The following ITIH2 variants were observed in gnomAD, a reference collection of about 807,000 sequenced individuals.
ITIH2 encodes inter-alpha-trypsin inhibitor heavy chain 2.
Under a neutral mutation model 104.4 loss-of-function variants are expected in ITIH2, and 103 were observed. The ratio of observed to expected loss-of-function variants is 0.99; its 90% CI spans 0.84 to 1.16. The LOEUF is 1.16. ITIH2 is among the 50% of genes most tolerant of loss of function. The pLI, the probability that ITIH2 is intolerant of heterozygous loss-of-function variation, is 0.00. For synonymous variants in ITIH2, 436 were observed against 435.4 expected (o/e 1.00, Z -0.02); for missense variants, 1,108 against 1,162.4 (o/e 0.95, Z 0.68).
chr10:7,726,739 G>T (rs1261166047), intron 9 of ITIH2, among the ~76,000 whole-genome samples: 6 of 152,186 alleles, frequency 3.9e-5, no homozygotes, highest in Non-Finnish European at 2.9e-5. Context: ...TAGCAAAATA[G>T]ATAGTAAAAT....
chr10:7,712,190 C>A (rs1440735268), intron 4 of ITIH2, among the ~76,000 whole-genome samples: 1 of 152,140 alleles, frequency 6.6e-6, no homozygotes, highest in Non-Finnish European at 1.5e-5. Flanking sequence ...ATTTAAAATT[C>A]ATAGTTCTGA....
At chr10:7,727,174 T>C in intron 10 of ITIH2, 56 bp downstream of exon 10, 1 of 1,444,578 alleles carries the variant, frequency 6.9e-7, no homozygotes. Flanking sequence ...CAAATCATGA[T>C]TCACTTAAGA....
chr10:7,732,422 G>C lies in ITIH2; in HGVS notation c.1732G>C (p.Asp578His), dbSNP rs149478423. The C allele has an allele frequency of 1.5e-5, 24 of 1,613,938 alleles. No individual in the cohort carries two copies. In the African/African-American group the frequency reaches 2.9e-4, roughly 20 times the overall value. The change falls in exon 14 of 21, where the codon GAT becomes CAT. Residue 578 changes from aspartate to histidine, a missense_variant. Coordinates refer to ENST00000358415, the MANE Select transcript of ITIH2 (RefSeq NM_002216.3). ...FLSKDKHADP[D>H]FTRKLWAYLT... ...ATCGAAAGACAAGCATGCAGATCCC[G>C]ATTTCACCAGGAAACTGTGGGCCTA...
chr10:7,744,565 ACT>A (rs1835157551), intron 18 of ITIH2, among the ~76,000 whole-genome samples: 1 of 151,970 alleles, frequency 6.6e-6, no homozygotes, highest in Admixed American at 6.5e-5. Flanking sequence ...ATCCATACTG[ACT>A]CTATCGCAGA....
intron 19 of ITIH2, among the ~76,000 whole-genome samples, chr10:7,745,626 G>A (rs1248199687): frequency 1.3e-5 from 2 of 151,966 alleles, no homozygotes; most frequent in Non-Finnish European, 2.9e-5. Context: ...GAGCCTGCCT[G>A]GAGTCCCAGC....
rs577208966 is a variant in ITIH2, at chr10:7,738,378, T to C, written c.1958-243T>C. ...GAGTCACGGGGCCCTTCCCCGGCCC[T>C]ATAAAGCGGTTCCTCCCACTGCCAC... On this transcript the variant is annotated intron_variant, in intron 15 of 20. Coordinates refer to ENST00000358415, the MANE Select transcript of ITIH2 (RefSeq NM_002216.3). 1.2e-4 allele frequency among the ~76,000 whole-genome samples: 17 copies of C among 147,376 alleles called. No individual in the cohort carries two copies. The South Asian group carries it at 1.7e-3, about 14-fold the overall frequency.
At chr10:7,712,602 G>A (rs59920895) in intron 4 of ITIH2, among the ~76,000 whole-genome samples, 14,010 of 152,170 alleles carry the variant, frequency 0.092, 884 homozygotes, top group East Asian at 0.21. Context: ...ATTCAAAGAT[G>A]AGGAAAAATC....
intron 19 of ITIH2, 91 bp from the exon 20 acceptor site, chr10:7,746,502 G>A (rs1282936572): frequency 5.0e-6 from 4 of 807,596 alleles, no homozygotes; most frequent in Non-Finnish European, 8.2e-6. Context: ...ATCCTGGAGG[G>A]AGGACCGAAA....
At position 7,746,657 on chromosome 10, in the gene ITIH2, G is replaced by T; in HGVS notation, c.2646G>T (p.Lys882Asn). The T allele has an allele frequency of 6.2e-7, 1 of 1,614,030 alleles. No individual in the cohort carries two copies. Reference sequence around the variant, plus strand: ...AGAGACCAGGAAAGGACCCTGAGAAGCCAGAGGCCAGCATGGAAGTGAAGG... The same window carrying T: ...AGAGACCAGGAAAGGACCCTGAGAATCCAGAGGCCAGCATGGAAGTGAAGG... ...FNERPGKDPE[K>N]PEASMEVKGQ... The change falls in exon 20 of 21, where the codon AAG becomes AAT. Residue 882 changes from lysine (K) to asparagine (N), a missense_variant. Lys to Asn is a moderately conservative substitution (Grantham distance 94). Coordinates refer to ENST00000358415, the MANE Select transcript of ITIH2 (RefSeq NM_002216.3).
At chr10:7,727,184 A>G in intron 10 of ITIH2, 66 bp downstream of exon 10, 1 of 1,363,552 alleles carries the variant, frequency 7.3e-7, no homozygotes, top group Non-Finnish European at 1.0e-6. Context: ...TTCACTTAAG[A>G]AGCATTATTC....
At chr10:7,739,868 G>A (rs1835107445) in intron 16 of ITIH2, among the ~76,000 whole-genome samples, 1 of 152,214 alleles carries the variant, frequency 6.6e-6, no homozygotes, top group South Asian at 2.1e-4. Flanking sequence ...CAGCCTGGGT[G>A]ACAGAGGGAG....
chr10:7,731,958 A>G lies in ITIH2; in HGVS notation c.1609A>G (p.Lys537Glu). ...GGTGGCAGGAAAATTTGACCCTGCT[A>G]AATTGGATCAAATAGAGAGCGTTAT... is the stretch of plus-strand genomic sequence containing the variant. Reference protein sequence around the residue: ...IVVAGKFDPAKLDQIESVITA... With the variant: ...IVVAGKFDPAELDQIESVITA... Residue 537 changes from lysine (K) to glutamate (E), a missense_variant, in exon 13 of 21, where the codon AAA becomes GAA. Coordinates refer to ENST00000358415, the MANE Select transcript of ITIH2 (RefSeq NM_002216.3). The G allele has an allele frequency of 2.5e-6, 4 of 1,613,980 alleles. No homozygotes were observed. Among genetic ancestry groups the G allele is most frequent in the Non-Finnish European group, 3.4e-6 (4 of 1,179,906 alleles).
Position 7,736,669 on chromosome 10 carries a change from TAAG to T in ITIH2, c.1957+1582_1957+1584del, listed in dbSNP as rs573281668. On this transcript the variant is annotated intron_variant, in intron 15 of 20. Transcript: ENST00000358415. ...AATAGATTATAAATTTGTTTACAAA[TAAG>T]AAGTAAAACTGGAGTGGAAATAATC... 4.6e-5 allele frequency among the ~76,000 whole-genome samples: 7 copies of T among 152,230 alleles called. No individual in the cohort carries two copies. The East Asian group carries it at 1.2e-3, about 25-fold the overall frequency.
At chr10:7,732,237 CTTTTTTA>C in intron 13 of ITIH2, 94 bp from the exon 14 acceptor site, 1 of 1,355,592 alleles carries the variant, frequency 7.4e-7, no homozygotes, top group Non-Finnish European at 1.0e-6. Context: ...CCTTCCATTT[CTTTTTTA>C]TTCCCATTCA....
chr10:7,715,197 C>T (rs1179267330), intron 5 of ITIH2, among the ~76,000 whole-genome samples: 2 of 152,052 alleles, frequency 1.3e-5, no homozygotes, highest in African/African-American at 4.8e-5. Context: ...TCGAGGCAGG[C>T]AGATCATGAG....
chr10:7,705,277 TA>T, intron 2 of ITIH2, 95 bp downstream of exon 2: 1 of 892,536 alleles, frequency 1.1e-6, no homozygotes, highest in East Asian at 2.4e-5. Context: ...TAGATTTTCT[TA>T]AGAGTTTGTT....
intron 15 of ITIH2, among the ~76,000 whole-genome samples, chr10:7,737,102 T>C (rs1307763784): frequency 6.6e-6 from 1 of 151,794 alleles, no homozygotes; most frequent in Non-Finnish European, 1.5e-5. Flanking sequence ...TTCCAATGGA[T>C]GTTTTGCTTC....
intron 11 of ITIH2, among the ~76,000 whole-genome samples, chr10:7,728,056 T>C (rs1834967999): frequency 6.6e-6 from 1 of 152,182 alleles, no homozygotes; most frequent in Non-Finnish European, 1.5e-5. Context: ...ACCTCCACAA[T>C]ATGCAGAAAT....
intron 5 of ITIH2, among the ~76,000 whole-genome samples, chr10:7,716,735 CAAAAA>C (rs61703360): frequency 1.2e-4 from 7 of 58,774 alleles, no homozygotes; most frequent in Admixed American, 1.0e-3. Flanking sequence ...GACCCCAGCT[CAAAAA>C]AAAAAAAAAA....
Sources: allele counts gnomAD v4.1 joint callset (sites outside exome capture counted in the v4.1 genomes callset), GRCh38; gene constraint gnomAD v4.1.1; transcripts MANE v1.5; gene names NCBI Gene and HGNC (gene_info 2026-07-23, HGNC 2026-07-21).